Variants in ARSL observed in about 807,000 individuals in gnomAD.
ARSL encodes the protein arylsulfatase L, also known as arylsulfatase E (chondrodysplasia punctata 1).
A neutral mutation model predicts 31.1 loss-of-function variants in ARSL; 4 were observed. The observed-to-expected ratio is 0.13, with a 90% CI of 0.06 to 0.29. The LOEUF (loss-of-function observed/expected upper bound fraction) is 0.29, where lower values mean the gene tolerates loss of function less well. ARSL is among the 10% of genes least tolerant of loss of function. The probability of loss-of-function intolerance (pLI) is 1.00; values close to 1 mark genes in which losing one functional copy is unlikely to be tolerated. For missense variants in ARSL, 312 were observed against 497.8 expected (o/e 0.63, Z 3.55); for synonymous variants, 198 against 209.9 (o/e 0.94, Z 0.49).
Position 2,960,856 on chromosome X carries a change from G to A in ARSL, c.-20-436C>T, listed in dbSNP as rs189710754. 1.3e-4 allele frequency among the ~76,000 whole-genome samples: 15 copies of A among 111,485 alleles called. 1 individual carries two copies. The highest frequency in any genetic ancestry group is 1.9e-5 in the Non-Finnish European group (1 of 53,081). ...AGAGAGAGAGTCCTGATTTGGAAGGGGGAAGCGGGGAAAGATCAAAGCTTG... is the reference window on the plus strand; with the variant it reads ...AGAGAGAGAGTCCTGATTTGGAAGGAGGAAGCGGGGAAAGATCAAAGCTTG... On this transcript the variant is annotated intron_variant, in intron 1 of 10. Transcript: ENST00000381134.
Position 2,943,210 on chromosome X carries a change from CAG to C in ARSL, c.992-13_992-12del. 8.3e-7 allele frequency: 1 copy of C among 1,210,253 alleles called. No individual in the cohort carries two copies. The highest frequency in any genetic ancestry group is 1.8e-5 in the South Asian group (1 of 56,858). On this transcript the variant is annotated splice_polypyrimidine_tract_variant and intron_variant, in intron 7 of 10. Transcript: ENST00000381134. ...TGTCAAGGATCCGTCCTGCAAAGAA[CAG>C]ATGTTTTTGGGGCCGTCGAAATGGA...
intron 7 of ARSL, among the ~76,000 whole-genome samples, chrX:2,944,587 G>A (rs772015759): frequency 1.8e-4 from 19 of 105,806 alleles, no homozygotes; most frequent in South Asian, 4.1e-4. Flanking sequence ...TTTTAAATAC[G>A]TCGTTCACCC....
chrX:2,956,682 C>G (rs1410267442), intron 3 of ARSL, among the ~76,000 whole-genome samples: 1 of 108,636 alleles, frequency 9.2e-6, no homozygotes, highest in Non-Finnish European at 1.9e-5. Context: ...AGGCTGGTCT[C>G]GAACTCCTGA....
Position 2,960,397 on chromosome X carries a change from A to T in ARSL, c.4T>A (p.Leu2Ile). 2.5e-6 allele frequency: 3 copies of T among 1,201,057 alleles called. No homozygotes were observed. Among genetic ancestry groups the T allele is most frequent in the Non-Finnish European group, 3.4e-6 (3 of 887,894 alleles). Residue 2 changes from leucine (L) to isoleucine (I), a missense_variant, in exon 2 of 11, where the codon TTA becomes ATA. Leu to Ile is a conservative substitution (Grantham distance 5). Transcript: ENST00000381134. Reference sequence around the variant, plus strand: ...TCTTACCAAGAATGGTGCAGATGTAACATGTTGTCTCTCTCTCTACTTCCT... The same window carrying T: ...TCTTACCAAGAATGGTGCAGATGTATCATGTTGTCTCTCTCTCTACTTCCT... M[L>I]HLHHSCLCFR...
At chrX:2,951,285 G>A (rs770359827) in intron 5 of ARSL, among the ~76,000 whole-genome samples, 14 of 110,941 alleles carry the variant, frequency 1.3e-4, no homozygotes, top group Non-Finnish European at 1.9e-4. Flanking sequence ...TATCATAGTG[G>A]CCATGGTTGA....
At chrX:2,943,317 G>A (rs150723435) in intron 7 of ARSL, 118 bp from the exon 8 acceptor site, 38 of 921,503 alleles carry the variant, frequency 4.1e-5, no homozygotes, top group Middle Eastern at 4.0e-4. Context: ...TAGTTTTAAC[G>A]CATAATGGAA....
chrX:2,944,135 A>C (rs2089323651), intron 7 of ARSL, among the ~76,000 whole-genome samples: 1 of 109,177 alleles, frequency 9.2e-6, no homozygotes, highest in Admixed American at 9.8e-5. Context: ...CCACGGTTGC[A>C]CCACTGCACT....
intron 5 of ARSL, 142 bp downstream of exon 5, chrX:2,953,001 G>T: frequency 1.3e-6 from 1 of 763,487 alleles, no homozygotes; most frequent in Non-Finnish European, 1.9e-6. Context: ...ACCTGGAAAG[G>T]AACATGGTTC....
At chrX:2,944,866 T>G (rs763682744) in intron 7 of ARSL, among the ~76,000 whole-genome samples, 93 of 107,813 alleles carry the variant, frequency 8.6e-4, no homozygotes, top group African/African-American at 3.0e-3. Context: ...ACCTAACACA[T>G]GGTCACGAAG....
chrX:2,960,390 A>C lies in ARSL; in HGVS notation c.11T>G (p.Leu4Arg). 1 of 1,193,935 alleles carries C rather than the reference A, an allele frequency of 8.4e-7. No homozygotes were observed. The highest frequency in any genetic ancestry group is 1.1e-6 in the Non-Finnish European group (1 of 881,545). The change falls in exon 2 of 11, where the codon CTG becomes CGG. Residue 4 changes from leucine (L) to arginine (R), a missense_variant. By Grantham distance (102) the Leu-to-Arg change is moderately radical (BLOSUM62 -2). Transcript: ENST00000381134. MLHLHHSCLCFRSW... is the reference protein window; with the variant it reads MLHRHHSCLCFRSW... ...AATTGTATCTTACCAAGAATGGTGC[A>C]GATGTAACATGTTGTCTCTCTCTCT...
At chrX:2,938,784 T>C (rs1174058279) in intron 8 of ARSL, among the ~76,000 whole-genome samples, 1 of 112,043 alleles carries the variant, frequency 8.9e-6, no homozygotes, top group Non-Finnish European at 1.9e-5. Flanking sequence ...GGTTTGCAGA[T>C]ATAATCAAGT....
chrX:2,958,931 G>A (rs188294423), intron 2 of ARSL, among the ~76,000 whole-genome samples: 3 of 111,939 alleles, frequency 2.7e-5, no homozygotes, highest in Non-Finnish European at 5.6e-5. Flanking sequence ...AGGCTGCAGC[G>A]AGCTGAGATC....
chrX:2,949,683 A>C lies in ARSL; in HGVS notation c.475T>G (p.Cys159Gly), dbSNP rs2089436362. ...GLNCESASDH[C>G]HHPLHHGFDH... ...AAGCCATGATGGAGAGGGTGGTGGC[A>C]ATGATCACTGGCTGACTCACAGTTG... The change falls in exon 6 of 11, where the codon TGC becomes GGC. Residue 159 changes from cysteine to glycine, a missense_variant. Coordinates refer to ENST00000381134, the MANE Select transcript of ARSL (RefSeq NM_000047.3). The C allele has an allele frequency of 8.3e-7, 1 of 1,209,981 alleles. No homozygotes were observed. Among genetic ancestry groups the C allele is most frequent in the Admixed American group, 2.2e-5 (1 of 45,706 alleles).
intron 5 of ARSL, among the ~76,000 whole-genome samples, chrX:2,950,978 C>T (rs1448961023): frequency 9.0e-6 from 1 of 111,517 alleles, no homozygotes; most frequent in Non-Finnish European, 1.9e-5. Context: ...CCCAATCTTC[C>T]TCTACCTCCA....
At chrX:2,936,992 G>A in intron 9 of ARSL, 129 bp from the exon 10 acceptor site, 1 of 923,439 alleles carries the variant, frequency 1.1e-6, no homozygotes, top group East Asian at 3.3e-5. Flanking sequence ...GGGAAAGTCT[G>A]GGTGTGAACG....
chrX:2,955,404 A>G lies in ARSL; in HGVS notation c.307+12T>C. Reference sequence around the variant, plus strand: ...AGGCTGCACCCTAGTGCAGTTGTAAAGAGAGACTGACCTGATCGCACAGGG... The same window carrying G: ...AGGCTGCACCCTAGTGCAGTTGTAAGGAGAGACTGACCTGATCGCACAGGG... On this transcript the variant is annotated intron_variant, in intron 4 of 10. Coordinates refer to ENST00000381134, the MANE Select transcript of ARSL (RefSeq NM_000047.3). The G allele has an allele frequency of 8.3e-7, 1 of 1,211,983 alleles. No individual in the cohort carries two copies. Among genetic ancestry groups the G allele is most frequent in the Non-Finnish European group, 1.1e-6 (1 of 895,429 alleles).
At chrX:2,967,481 C>G (rs1167442025), upstream of ARSL, among the ~76,000 whole-genome samples, 1 of 111,369 alleles carries the variant, frequency 9.0e-6, no homozygotes, top group Non-Finnish European at 1.9e-5. Context: ...CACTTGTAAT[C>G]CCAGCTGGCA....
intron 7 of ARSL, among the ~76,000 whole-genome samples, chrX:2,945,698 T>G (rs1241544174): frequency 3.6e-5 from 4 of 111,580 alleles, no homozygotes; most frequent in Non-Finnish European, 7.5e-5. Context: ...CACATCAAGA[T>G]TAGGACGTGG....
rs373614798 is a variant in ARSL at position 2,936,747 on chromosome X, C to T, written c.1406G>A (p.Arg469Gln). 44 of 1,209,398 alleles carry T rather than the reference C, an allele frequency of 3.6e-5. No homozygotes were observed. The African/African-American group carries it at 4.7e-4, about 13-fold the overall frequency. The change falls in exon 10 of 11, where the codon CGG (arginine) becomes CAG (glutamine). Residue 469 changes from arginine (R) to glutamine (Q), a missense_variant. Physicochemically the swap from Arg to Gln is conservative, Grantham distance 43. Coordinates refer to ENST00000381134, the MANE Select transcript of ARSL (RefSeq NM_000047.3). ...RFLHAARWHQ[R>Q]DRGTMWKVHF... ...GAAGGGGCTCCCCTACTCACTGTCC[C>T]GTTGATGCCACCTGGCTGCGTGCAG...
Sources: allele counts gnomAD v4.1 joint callset (sites outside exome capture counted in the v4.1 genomes callset), GRCh38; gene constraint gnomAD v4.1.1; transcripts MANE v1.5; gene names NCBI Gene and HGNC (gene_info 2026-07-23, HGNC 2026-07-21).